The following LRP1B variants were observed in gnomAD, a reference collection of about 807,000 sequenced individuals.
The protein encoded by LRP1B is low-density lipoprotein receptor-related protein 1B.
LRP1B carries 217 observed loss-of-function variants against 556.6 expected under a neutral mutation model. The observed-to-expected ratio is 0.39, with a 90% CI of 0.35 to 0.44. LRP1B has a LOEUF of 0.44. Ranked by LOEUF, LRP1B falls within the 20% of genes least tolerant of loss-of-function variation. The pLI, the probability that LRP1B is intolerant of heterozygous loss-of-function variation, is 1.00. For synonymous variants in LRP1B, 2,047 were observed against 1,865.8 expected (o/e 1.10, Z -2.50); for missense variants, 5,053 against 5,620.8 (o/e 0.90, Z 3.23).
intron 84 of LRP1B, among the ~76,000 whole-genome samples, chr2:140,297,343 A>G (rs2104999205): frequency 6.6e-6 from 1 of 152,178 alleles, no homozygotes; most frequent in Non-Finnish European, 1.5e-5. Context: ...CATCTAGGGG[A>G]GTGGGAGAGT....
chr2:141,733,895 ATAAT>A (rs1389932443), intron 2 of LRP1B, among the ~76,000 whole-genome samples: 1 of 152,150 alleles, frequency 6.6e-6, no homozygotes, highest in Non-Finnish European at 1.5e-5. Context: ...ATGTATGTAC[ATAAT>A]TATTATAGAA....
chr2:141,095,260 A>G (rs1700268800), intron 7 of LRP1B, among the ~76,000 whole-genome samples: 1 of 149,502 alleles, frequency 6.7e-6, no homozygotes, highest in Admixed American at 6.7e-5. Context: ...GACTCCCACC[A>G]TAAGAGAAAG....
At chr2:141,843,465 A>G (rs1013658864) in intron 1 of LRP1B, among the ~76,000 whole-genome samples, 1 of 152,186 alleles carries the variant, frequency 6.6e-6, no homozygotes, top group South Asian at 2.1e-4. Context: ...AATTAAATGC[A>G]TGATCACAAT....
Position 141,050,820 on chromosome 2 carries a change from G to T in LRP1B, c.1553-1598C>A, listed in dbSNP as rs527678214. On this transcript the variant is annotated intron_variant, in intron 10 of 90. Transcript: ENST00000389484. Reference sequence around the variant, plus strand: ...ACCAAAGAGCTTCTGCACAGCAAAAGATACTAGCATCAGAGTGAATGGGCA... The same window carrying T: ...ACCAAAGAGCTTCTGCACAGCAAAATATACTAGCATCAGAGTGAATGGGCA... Among the ~76,000 whole-genome samples, 13 of 152,174 alleles carry T rather than the reference G, an allele frequency of 8.5e-5. No individual in the cohort carries two copies. In the South Asian group the frequency reaches 1.9e-3, roughly 22 times the overall value.
At chr2:141,746,643 C>A (rs567498230) in intron 2 of LRP1B, among the ~76,000 whole-genome samples, 25 of 150,538 alleles carry the variant, frequency 1.7e-4, no homozygotes, top group African/African-American at 5.8e-4. Context: ...GGTTTCTATG[C>A]AGAAAAAAAA....
intron 1 of LRP1B, among the ~76,000 whole-genome samples, chr2:142,105,413 A>T (rs1239075922): frequency 6.6e-6 from 1 of 152,166 alleles, no homozygotes; most frequent in African/African-American, 2.4e-5. Context: ...CATCCCATTA[A>T]ATAGGGCTAG....
intron 77 of LRP1B, among the ~76,000 whole-genome samples, chr2:140,345,791 C>CATATATACATATATACACAT (rs1448910482): frequency 4.4e-5 from 5 of 114,896 alleles, no homozygotes; most frequent in Admixed American, 2.5e-4. Context: ...TATATATACA[C>CATATATACATATATACACAT]ATATATACAT....
chr2:141,608,626 C>G lies in LRP1B; in HGVS notation c.206-128093G>C, dbSNP rs976756452. On this transcript the variant is annotated intron_variant, in intron 2 of 90. Transcript: ENST00000389484. ...ATGACTTACTTTTTTTTAATTGTTACTCACTGGTGTTCCAGTGAATGTTTC... is the reference window on the plus strand; with the variant it reads ...ATGACTTACTTTTTTTTAATTGTTAGTCACTGGTGTTCCAGTGAATGTTTC... Among the ~76,000 whole-genome samples, 4 of 152,124 alleles carry G rather than the reference C, an allele frequency of 2.6e-5. No homozygotes were observed. In the East Asian group the frequency reaches 7.7e-4, roughly 29 times the overall value.
At chr2:141,364,886 AAC>A (rs1688961383) in intron 3 of LRP1B, among the ~76,000 whole-genome samples, 2 of 152,314 alleles carry the variant, frequency 1.3e-5, no homozygotes, top group South Asian at 2.1e-4. Flanking sequence ...AATAAAAATG[AAC>A]ACAATTTCCA....
chr2:140,601,728 T>G, intron 41 of LRP1B, 89 bp from the exon 42 acceptor site: 47 of 690,430 alleles, frequency 6.8e-5, no homozygotes, highest in Middle Eastern at 4.4e-4. Flanking sequence ...CATACATGTA[T>G]ACCTGTTATT....
chr2:140,607,673 G>A (rs1574137133), intron 41 of LRP1B, among the ~76,000 whole-genome samples: 1 of 150,848 alleles, frequency 6.6e-6, no homozygotes, highest in African/African-American at 2.4e-5. Context: ...ACGTGTGTGT[G>A]TATATATATA....
chr2:141,058,948 T>C lies in LRP1B; in HGVS notation c.1343A>G (p.His448Arg), dbSNP rs770284847. 2 of 1,600,606 alleles carry C rather than the reference T, an allele frequency of 1.2e-6. No individual in the cohort carries two copies. Among genetic ancestry groups the C allele is most frequent in the African/African-American group, 2.7e-5 (2 of 74,316 alleles). The change falls in exon 9 of 91, where the codon CAC becomes CGC. Residue 448 changes from histidine to arginine, a missense_variant. This residue lies in a region of LRP1B where 3,619 missense variants were observed against 3,931.9 expected (regional missense o/e 0.92). Coordinates refer to ENST00000389484, the MANE Select transcript of LRP1B (RefSeq NM_018557.3). The stretch of plus-strand genomic sequence containing the variant: ...AGCATTCTCAATTTTAATTAATGAG[T>C]GAATATCAGTCCCATTAAATCGGTT... Reference protein sequence around the residue: ...RINRFNGTDIHSLIKIENAWG... With the variant: ...RINRFNGTDIRSLIKIENAWG...
At chr2:140,612,667 T>C (rs372162578) in intron 41 of LRP1B, among the ~76,000 whole-genome samples, 1 of 152,184 alleles carries the variant, frequency 6.6e-6, no homozygotes, top group African/African-American at 2.4e-5. Flanking sequence ...ATTGAGCGCT[T>C]GATCCGTCTT....
intron 3 of LRP1B, among the ~76,000 whole-genome samples, chr2:141,424,151 T>G (rs1341328179): frequency 6.6e-6 from 1 of 151,078 alleles, no homozygotes; most frequent in Non-Finnish European, 1.5e-5. Context: ...GTCACTCTTG[T>G]TGCCTGGGCT....
chr2:141,425,197 A>G (rs1477577932), intron 3 of LRP1B, among the ~76,000 whole-genome samples: 1 of 151,696 alleles, frequency 6.6e-6, no homozygotes, highest in Non-Finnish European at 1.5e-5. Flanking sequence ...GCGATAGTTT[A>G]CTGAGAATGA....
intron 35 of LRP1B, among the ~76,000 whole-genome samples, chr2:140,755,269 T>A (rs2104903921): frequency 6.6e-6 from 1 of 152,196 alleles, no homozygotes; most frequent in African/African-American, 2.4e-5. Context: ...TCAAAAATCC[T>A]TCCAAGAACC....
At chr2:141,238,672 C>T (rs190924098) in intron 5 of LRP1B, among the ~76,000 whole-genome samples, 91 of 151,980 alleles carry the variant, frequency 6.0e-4, no homozygotes, top group African/African-American at 1.1e-3. Context: ...AAGTGAGTAA[C>T]GTATAGGAGT....
At chr2:141,930,749 AG>A (rs1700477238) in intron 1 of LRP1B, among the ~76,000 whole-genome samples, 2 of 152,056 alleles carry the variant, frequency 1.3e-5, no homozygotes, top group South Asian at 4.1e-4. Flanking sequence ...GTATTCTAAA[AG>A]CAAAAGACTG....
chr2:141,228,694 G>C (rs1027449094), intron 6 of LRP1B, among the ~76,000 whole-genome samples: 2 of 152,138 alleles, frequency 1.3e-5, no homozygotes, highest in Non-Finnish European at 2.9e-5. Flanking sequence ...AGAAGTCAGA[G>C]TGAATCACAA....
Sources: allele counts gnomAD v4.1 joint callset (sites outside exome capture counted in the v4.1 genomes callset), GRCh38; gene constraint gnomAD v4.1.1; regional missense constraint gnomAD v4.1.1; transcripts MANE v1.5; gene names NCBI Gene and HGNC (gene_info 2026-07-23, HGNC 2026-07-21).